Variants in LRATD1 observed in about 807,000 individuals in gnomAD.
LRATD1 encodes the protein LRAT domain containing 1, also known as protein LRATD1.
Under a neutral mutation model 21.3 loss-of-function variants are expected in LRATD1, and 8 were observed. That is an observed-to-expected ratio of 0.38 (90% CI 0.22 to 0.68). The LOEUF is 0.68. LRATD1 is among the 30% of genes least tolerant of loss of function. The pLI is 0.54. For missense variants in LRATD1, 380 were observed against 404.0 expected (o/e 0.94, Z 0.51); for synonymous variants, 210 against 186.2 (o/e 1.13, Z -1.04).
chr2:14,639,311 C>A lies in LRATD1; in HGVS notation c.*4453C>A, dbSNP rs1184377885. On this transcript the variant is annotated 3_prime_UTR_variant, in exon 2 of 2. Coordinates refer to ENST00000295092, the MANE Select transcript of LRATD1 (RefSeq NM_145175.4). The stretch of plus-strand genomic sequence containing the variant: ...TTTTGGAAGAATATGTTCCTGGTTT[C>A]TCTAACTAAAAGGAAAAAATTCAAA... 1 of 166,908 alleles carries A rather than the reference C, an allele frequency of 6.0e-6. No individual in the cohort carries two copies. Among genetic ancestry groups the A allele is most frequent in the Non-Finnish European group, 1.5e-5 (1 of 68,076 alleles). 10.3% of individuals were successfully genotyped at this position (166,908 alleles called of 1,614,324 possible).
chr2:14,634,217 G>C lies in LRATD1; in HGVS notation c.238G>C (p.Val80Leu). ...CCACCACCACCTGCTGCACCAGCTG[G>C]TCCTCAACGAGACTCAGTTTTCCGC... ...RHHHHLLHQL[V>L]LNETQFSAFR... Residue 80 changes from valine to leucine, a missense_variant, in exon 2 of 2, where the codon GTC becomes CTC. Coordinates refer to ENST00000295092, the MANE Select transcript of LRATD1 (RefSeq NM_145175.4). 1.2e-6 allele frequency: 2 copies of C among 1,613,060 alleles called. No homozygotes were observed. The highest frequency in any genetic ancestry group is 8.5e-7 in the Non-Finnish European group (1 of 1,179,872).
intron 2 of LRATD1, among the ~76,000 whole-genome samples, chr2:14,645,511 T>A (rs1346129758): frequency 6.6e-6 from 1 of 152,148 alleles, no homozygotes; most frequent in African/African-American, 2.4e-5. Flanking sequence ...CTAGACGGAA[T>A]CTTTTAATAA....
chr2:14,635,975 GT>G lies in LRATD1; in HGVS notation c.*1119del, dbSNP rs1278214113. On this transcript the variant is annotated 3_prime_UTR_variant, in exon 2 of 2. Coordinates refer to ENST00000295092, the MANE Select transcript of LRATD1 (RefSeq NM_145175.4). ...CAACTATGTCAACAAAGCCTATCGT[GT>G]TGATGTTTTTATTGACCATTTTAGC... 4.0e-6 allele frequency: 1 copy of G among 248,156 alleles called. No homozygotes were observed. The highest frequency in any genetic ancestry group is 9.9e-5 in the East Asian group (1 of 10,068). The allele number at this position is 248,156 out of a possible 1,614,324, so 15.4% of individuals were successfully genotyped here. A position where few individuals can be genotyped will look rare whatever the true frequency, so the allele number is the denominator to read the frequency against.
chr2:14,635,282 G>C lies in LRATD1; in HGVS notation c.*424G>C. 2.0e-6 allele frequency: 1 copy of C among 496,128 alleles called. No individual in the cohort carries two copies. The allele number at this position is 496,128 out of a possible 1,614,324, so 30.7% of individuals were successfully genotyped here. On this transcript the variant is annotated 3_prime_UTR_variant, in exon 2 of 2. Coordinates refer to ENST00000295092, the MANE Select transcript of LRATD1 (RefSeq NM_145175.4). ...TCACCGCCCCGAGCGTGCGCACACA[G>C]ACCGGTCGGAGGCGAGAACTGGTCT...
chr2:14,644,707 G>T (rs181708449), downstream of LRATD1, among the ~76,000 whole-genome samples: 153 of 152,192 alleles, frequency 1.0e-3, no homozygotes, highest in East Asian at 0.016. Context: ...TCTTGGAGTG[G>T]GGCTGGACCC....
Position 14,636,699 on chromosome 2 carries a change from T to C in LRATD1, c.*1841T>C, listed in dbSNP as rs1051118461. 4 of 167,160 alleles carry C rather than the reference T, an allele frequency of 2.4e-5. No individual in the cohort carries two copies. Among genetic ancestry groups the C allele is most frequent in the Admixed American group, 6.5e-5 (1 of 15,294 alleles). The allele number at this position is 167,160 out of a possible 1,614,324, so 10.4% of individuals were successfully genotyped here. A position where few individuals can be genotyped will look rare whatever the true frequency, so the allele number is the denominator to read the frequency against. ...TGTTTAGCTAATTGTTGCAAGCAAT[T>C]GCATATTAACAGCTGTGATTTTGTT... On this transcript the variant is annotated 3_prime_UTR_variant, in exon 2 of 2. Coordinates refer to ENST00000295092, the MANE Select transcript of LRATD1 (RefSeq NM_145175.4).
downstream of LRATD1, chr2:14,641,939 T>C (rs1274573608): frequency 6.6e-6 from 1 of 152,232 alleles, no homozygotes; most frequent in Non-Finnish European, 1.5e-5. Flanking sequence ...TCTCTTCAAC[T>C]ACAAATACCA....
At position 14,634,330 on chromosome 2, in the gene LRATD1, A is replaced by G. The variant is rs1319486491; in HGVS notation, c.351A>G (p.Pro117=). 1.9e-6 allele frequency: 3 copies of G among 1,591,270 alleles called. No homozygotes were observed. The highest frequency in any genetic ancestry group is 2.6e-6 in the Non-Finnish European group (3 of 1,172,810). The change falls in exon 2 of 2, where the codon CCA becomes CCG. Residue 117 remains proline (P), a synonymous_variant. Transcript: ENST00000295092. The stretch of plus-strand genomic sequence containing the variant: ...GCGTCTACGCGGTCACCGCGCTGCC[A>G]GCGCTCTGCGAACCCGGCGACCTGC... ...DLSVYAVTAL[P]ALCEPGDLLE... is the part of the protein sequence containing the mutation.
Position 14,635,687 on chromosome 2 carries a change from T to A in LRATD1, c.*829T>A. The stretch of plus-strand genomic sequence containing the variant: ...CGCCCCCGACAAGGAGCTCGCTCGT[T>A]CACCTGGTGTCTGGGAACTTGAATG... On this transcript the variant is annotated 3_prime_UTR_variant, in exon 2 of 2. Coordinates refer to ENST00000295092, the MANE Select transcript of LRATD1 (RefSeq NM_145175.4). 2.2e-6 allele frequency: 1 copy of A among 457,342 alleles called. No individual in the cohort carries two copies. The highest frequency in any genetic ancestry group is 1.6e-5 in the South Asian group (1 of 62,324). The allele number at this position is 457,342 out of a possible 1,614,324, so 28.3% of individuals were successfully genotyped here.
chr2:14,651,286 T>C (rs879926458), downstream of LRATD1, among the ~76,000 whole-genome samples: 21 of 152,178 alleles, frequency 1.4e-4, no homozygotes, highest in Non-Finnish European at 2.5e-4. Flanking sequence ...CCTGATTTGC[T>C]TCTATGCATC....
chr2:14,638,143 A>G lies in LRATD1; in HGVS notation c.*3285A>G, dbSNP rs1296375112. 6.0e-6 allele frequency: 1 copy of G among 166,440 alleles called. No homozygotes were observed. The highest frequency in any genetic ancestry group is 1.5e-5 in the Non-Finnish European group (1 of 68,020). The allele number at this position is 166,440 out of a possible 1,614,324, so 10.3% of individuals were successfully genotyped here. A position where few individuals can be genotyped will look rare whatever the true frequency, so the allele number is the denominator to read the frequency against. On this transcript the variant is annotated 3_prime_UTR_variant, in exon 2 of 2. Transcript: ENST00000295092. ...TTATTTAAACCAAAAATCAAATAAA[A>G]TAAGGAGGGGGGCTGGGTATACTTT...
In LRATD1 at chr2:14,639,103, TACAC is replaced by T. The variant is rs34456742; in HGVS notation, c.*4267_*4270del. ...ATAGCTAGCAATTATTTCATTCAGATACACACACACACACACACACACACAGGCT... is the reference window on the plus strand; with the variant it reads ...ATAGCTAGCAATTATTTCATTCAGATACACACACACACACACACACAGGCT... On this transcript the variant is annotated 3_prime_UTR_variant, in exon 2 of 2. Transcript: ENST00000295092. 3 of 162,742 alleles carry T rather than the reference TACAC, an allele frequency of 1.8e-5. No homozygotes were observed. Among genetic ancestry groups the T allele is most frequent in the African/African-American group, 2.5e-5 (1 of 40,366 alleles). 10.1% of individuals were successfully genotyped at this position (162,742 alleles called of 1,614,324 possible).
chr2:14,645,178 A>G (rs1327972985), intron 2 of LRATD1, among the ~76,000 whole-genome samples: 1 of 152,196 alleles, frequency 6.6e-6, no homozygotes, highest in Non-Finnish European at 1.5e-5. Context: ...TGTGTTTCCA[A>G]TGGCCTTTGG....
chr2:14,635,060 G>T lies in LRATD1; in HGVS notation c.*202G>T. 1 of 812,228 alleles carries T rather than the reference G, an allele frequency of 1.2e-6. No individual in the cohort carries two copies. Among genetic ancestry groups the T allele is most frequent in the Non-Finnish European group, 2.1e-6 (1 of 480,464 alleles). 50.3% of individuals were successfully genotyped at this position (812,228 alleles called of 1,614,324 possible). On this transcript the variant is annotated 3_prime_UTR_variant, in exon 2 of 2. Transcript: ENST00000295092. ...CTCAGGAACTGCCCCAGGGCCGAAAGGGCGCCGCTGCGAGCGCCTGGCTGA... is the reference window on the plus strand; with the variant it reads ...CTCAGGAACTGCCCCAGGGCCGAAATGGCGCCGCTGCGAGCGCCTGGCTGA...
chr2:14,645,555 C>T (rs1671879550), intron 2 of LRATD1, among the ~76,000 whole-genome samples: 1 of 152,058 alleles, frequency 6.6e-6, no homozygotes, highest in African/African-American at 2.4e-5. Context: ...TTGACAAGAA[C>T]CTTCAAGGAG....
At chr2:14,646,026 C>G (rs1233018261) in intron 2 of LRATD1, 1 of 152,004 alleles carries the variant, frequency 6.6e-6, no homozygotes, top group South Asian at 2.1e-4. Context: ...GGTTCTGATC[C>G]AAAACGTTAA....
rs1001721842 is a variant in LRATD1 at position 14,638,766 on chromosome 2, C to T, written c.*3908C>T. 1 of 166,930 alleles carries T rather than the reference C, an allele frequency of 6.0e-6. No individual in the cohort carries two copies. Among genetic ancestry groups the T allele is most frequent in the African/African-American group, 2.4e-5 (1 of 41,426 alleles). 10.3% of individuals were successfully genotyped at this position (166,930 alleles called of 1,614,324 possible). Reference sequence around the variant, plus strand: ...AGGCATATCTTTAAAGCTTTCTTCTCTTTTTTGAACAAATGAAGAGAATCC... The same window carrying T: ...AGGCATATCTTTAAAGCTTTCTTCTTTTTTTTGAACAAATGAAGAGAATCC... On this transcript the variant is annotated 3_prime_UTR_variant, in exon 2 of 2. Coordinates refer to ENST00000295092, the MANE Select transcript of LRATD1 (RefSeq NM_145175.4).
Position 14,634,222 on chromosome 2 carries a change from C to T in LRATD1, c.243C>T (p.Leu81=), listed in dbSNP as rs766840836. The T allele has an allele frequency of 6.2e-7, 1 of 1,612,862 alleles. No individual in the cohort carries two copies. The highest frequency in any genetic ancestry group is 1.7e-4 in the Middle Eastern group (1 of 6,060). ...HHHHLLHQLV[L]NETQFSAFRG... The stretch of plus-strand genomic sequence containing the variant: ...ACCACCTGCTGCACCAGCTGGTCCT[C>T]AACGAGACTCAGTTTTCCGCCTTTC... Residue 81 remains leucine, a synonymous_variant, in exon 2 of 2, where the codon CTC becomes CTT. Coordinates refer to ENST00000295092, the MANE Select transcript of LRATD1 (RefSeq NM_145175.4).
At position 14,634,954 on chromosome 2, in the gene LRATD1, C is replaced by A. The variant is rs549933261; in HGVS notation, c.*96C>A. ...CGCAGTCAGCGGTTCTCAACCTCTG[C>A]CCCGCCCCGCCACGCGCGTCCGCCG... is the stretch of plus-strand genomic sequence containing the variant. On this transcript the variant is annotated 3_prime_UTR_variant, in exon 2 of 2. Transcript: ENST00000295092. The A allele has an allele frequency of 5.5e-4, 773 of 1,413,874 alleles. 2 individuals carry two copies. The highest frequency in any genetic ancestry group is 6.9e-4 in the Non-Finnish European group (724 of 1,053,264). The allele number at this position is 1,413,874 out of a possible 1,614,324, so 87.6% of individuals were successfully genotyped here. A position where few individuals can be genotyped will look rare whatever the true frequency, so the allele number is the denominator to read the frequency against.
Sources: allele counts gnomAD v4.1 joint callset (sites outside exome capture counted in the v4.1 genomes callset), GRCh38; gene constraint gnomAD v4.1.1; transcripts MANE v1.5; gene names NCBI Gene and HGNC (gene_info 2026-07-23, HGNC 2026-07-21).